Variants in SHROOM3 observed in about 807,000 individuals in gnomAD.
SHROOM3 encodes the protein shroom family member 3.
Under a neutral mutation model 138.6 loss-of-function variants are expected in SHROOM3, and 47 were observed. The ratio of observed to expected loss-of-function variants is 0.34; its 90% CI spans 0.27 to 0.43. SHROOM3 has a LOEUF of 0.43. Ranked by LOEUF, SHROOM3 falls within the 20% of genes least tolerant of loss-of-function variation. The pLI, the probability that SHROOM3 is intolerant of heterozygous loss-of-function variation, is 1.00. For missense variants in SHROOM3, 2,491 were observed against 2,596.5 expected, an observed-to-expected ratio of 0.96 and a Z score of 0.88; for synonymous variants, 1,062 against 1,063.3, an observed-to-expected ratio of 1.00 and a Z score of 0.02.
chr4:76,584,794 G>A (rs1360769900), intron 2 of SHROOM3, among the ~76,000 whole-genome samples: 1 of 152,126 alleles, frequency 6.6e-6, no homozygotes, highest in Non-Finnish European at 1.5e-5. Context: ...GTTTTGGGGA[G>A]GTTGCATGGT....
intron 1 of SHROOM3, among the ~76,000 whole-genome samples, chr4:76,519,404 CAG>C (rs1319118134): frequency 1.3e-5 from 2 of 152,020 alleles, no homozygotes; most frequent in African/African-American, 4.8e-5. Flanking sequence ...TTTTGGTAAA[CAG>C]AAAAAAGCAG....
intron 2 of SHROOM3, among the ~76,000 whole-genome samples, chr4:76,595,140 G>A (rs1215323482): frequency 6.6e-6 from 1 of 152,168 alleles, no homozygotes; most frequent in Admixed American, 6.5e-5. Context: ...TTGTTGTGTT[G>A]TTGTGTAGTT....
At chr4:76,459,073 C>T (rs1731088863) in intron 1 of SHROOM3, among the ~76,000 whole-genome samples, 1 of 152,058 alleles carries the variant, frequency 6.6e-6, no homozygotes, top group South Asian at 2.1e-4. Flanking sequence ...ATTGGCTTTT[C>T]TTTTATTCTC....
chr4:76,536,369 A>G (rs1329712000), intron 1 of SHROOM3, among the ~76,000 whole-genome samples: 3 of 152,246 alleles, frequency 2.0e-5, no homozygotes, highest in Admixed American at 6.5e-5. Context: ...TTAAGGTGGT[A>G]TCAAGGTGAA....
chr4:76,728,795 C>T (rs1023461705), intron 3 of SHROOM3, among the ~76,000 whole-genome samples: 1 of 152,142 alleles, frequency 6.6e-6, no homozygotes, highest in Admixed American at 6.5e-5. Context: ...TTCCTCACCA[C>T]CATGGCCAGG....
chr4:76,642,766 C>T (rs1735706844), intron 2 of SHROOM3, among the ~76,000 whole-genome samples: 1 of 151,752 alleles, frequency 6.6e-6, no homozygotes, highest in Admixed American at 6.6e-5. Context: ...GAATGGAAGC[C>T]AATACCCATG....
At chr4:76,705,519 C>A (rs1720025302) in intron 2 of SHROOM3, among the ~76,000 whole-genome samples, 1 of 152,036 alleles carries the variant, frequency 6.6e-6, no homozygotes, top group African/African-American at 2.4e-5. Flanking sequence ...AAACAAAAAG[C>A]AAATAAGAAA....
At chr4:76,705,001 A>G (rs922700334) in intron 2 of SHROOM3, among the ~76,000 whole-genome samples, 7 of 152,204 alleles carry the variant, frequency 4.6e-5, no homozygotes, top group Non-Finnish European at 1.0e-4. Context: ...CAGGAAGCAA[A>G]GGGACCTGGA....
rs368717990 is a variant in SHROOM3, at chr4:76,653,138, C to A, written c.324-57018C>A. Among the ~76,000 whole-genome samples the A allele has an allele frequency of 3.3e-5, 5 of 152,164 alleles. No individual in the cohort carries two copies. The South Asian group carries it at 8.3e-4, about 25-fold the overall frequency. ...AGTAAACTTAAAGAAGTATACCATA[C>A]AATTATATGGTTTATATCAAGTATG... On this transcript the variant is annotated intron_variant, in intron 2 of 10. Transcript: ENST00000296043.
At chr4:76,445,612 C>T (rs1228112471) in intron 1 of SHROOM3, among the ~76,000 whole-genome samples, 6 of 152,006 alleles carry the variant, frequency 3.9e-5, no homozygotes, top group Admixed American at 3.3e-4. Flanking sequence ...GTACAGTAAG[C>T]GAGAGAGTAG....
chr4:76,485,291 G>A (rs1731705372), intron 1 of SHROOM3, among the ~76,000 whole-genome samples: 1 of 152,186 alleles, frequency 6.6e-6, no homozygotes, highest in African/African-American at 2.4e-5. Flanking sequence ...TGATAAGAAG[G>A]ATTGGAAAGT....
At chr4:76,702,878 A>G (rs1214736428) in intron 2 of SHROOM3, among the ~76,000 whole-genome samples, 1 of 152,164 alleles carries the variant, frequency 6.6e-6, no homozygotes, top group African/African-American at 2.4e-5. Context: ...TTGGCAGGTC[A>G]TTTGGCTTTT....
intron 2 of SHROOM3, chr4:76,586,358 C>T: frequency 1.0e-6 from 1 of 985,756 alleles, no homozygotes; most frequent in Non-Finnish European, 1.2e-6. Flanking sequence ...CCACCTCCCC[C>T]AAGCCACCAA....
chr4:76,444,011 T>A (rs11724003), intron 1 of SHROOM3, among the ~76,000 whole-genome samples: 49,282 of 151,936 alleles, frequency 0.32, 9,276 homozygotes, highest in Non-Finnish European at 0.43. Context: ...CATTGCAGCC[T>A]TGACCTCCCT....
In SHROOM3 at chr4:76,755,125, C is replaced by G. The variant is rs1353366928; in HGVS notation, c.4642C>G (p.Pro1548Ala). The G allele has an allele frequency of 1.2e-6, 2 of 1,609,374 alleles. No individual in the cohort carries two copies. Among genetic ancestry groups the G allele is most frequent in the African/African-American group, 2.7e-5 (2 of 74,676 alleles). ...GGTGTATAGCATGGATGACTTCCCT[C>G]CACCTCCTCCCCACACTGTATGTGA... ...TPVYSMDDFP[P>A]PPPHTVCEAQ... The change falls in exon 7 of 11, where the codon CCA becomes GCA. Residue 1548 changes from proline (P) to alanine (A), a missense_variant. Pro to Ala is a conservative substitution (Grantham distance 27). Coordinates refer to ENST00000296043, the MANE Select transcript of SHROOM3 (RefSeq NM_020859.4).
chr4:76,689,194 T>G (rs750743), intron 2 of SHROOM3, among the ~76,000 whole-genome samples: 41,208 of 151,802 alleles, frequency 0.27, 5,775 homozygotes, highest in East Asian at 0.43. Flanking sequence ...CTTAATACCG[T>G]AAGGACCCAA....
intron 2 of SHROOM3, among the ~76,000 whole-genome samples, chr4:76,612,857 T>G (rs981903074): frequency 6.6e-6 from 1 of 152,128 alleles, no homozygotes; most frequent in African/African-American, 2.4e-5. Context: ...GAAGGATCAC[T>G]TGAAGCCAGG....
In SHROOM3 at chr4:76,586,572, G is replaced by A. The variant is rs1191465872; in HGVS notation, c.323+30809G>A. On this transcript the variant is annotated intron_variant, in intron 2 of 10. Coordinates refer to ENST00000296043, the MANE Select transcript of SHROOM3 (RefSeq NM_020859.4). ...AGGTAAACTAAAGAGAGGTAGGGAA[G>A]TTGTTCAAGTTAGGCCTTTGTGATG... The A allele has an allele frequency of 3.9e-6, 3 of 761,868 alleles. No homozygotes were observed. The African/African-American group carries it at 5.7e-5, about 14-fold the overall frequency. 47.2% of individuals were successfully genotyped at this position (761,868 alleles called of 1,614,324 possible).
intron 9 of SHROOM3, among the ~76,000 whole-genome samples, chr4:76,764,915 A>C (rs989053090): frequency 5.9e-5 from 9 of 152,164 alleles, no homozygotes; most frequent in Admixed American, 5.2e-4. Flanking sequence ...TCTGTCTTCA[A>C]ATATTCTTAA....
Sources: allele counts gnomAD v4.1 joint callset (sites outside exome capture counted in the v4.1 genomes callset), GRCh38; gene constraint gnomAD v4.1.1; transcripts MANE v1.5; gene names NCBI Gene and HGNC (gene_info 2026-07-23, HGNC 2026-07-21).